The following RGL1 variants were observed in gnomAD, a reference collection of about 807,000 sequenced individuals.
RGL1 encodes the protein ral guanine nucleotide dissociation stimulator-like 1.
A neutral mutation model predicts 95.2 loss-of-function variants in RGL1; 24 were observed. The ratio of observed to expected loss-of-function variants is 0.25; its 90% CI spans 0.18 to 0.35. The LOEUF (loss-of-function observed/expected upper bound fraction) is 0.35, where lower values mean the gene tolerates loss of function less well. RGL1 is among the 10% of genes least tolerant of loss of function. RGL1 has a pLI of 1.00. For synonymous variants in RGL1, 329 were observed against 344.9 expected (o/e 0.95, Z 0.51); for missense variants, 715 against 936.3 (o/e 0.76, Z 3.08).
At position 183,805,307 on chromosome 1, in the gene RGL1, C is replaced by T; in HGVS notation, c.10C>T (p.Leu4Phe). ...GGAGAGAAAACTGAGAATGAAATTG[C>T]TTTGGCAAGCTAAAATGGTAACGAG... MKL[L>F]WQAKMSSIQD... is the part of the protein sequence containing the mutation. The change falls in exon 1 of 18, where the codon CTT becomes TTT. Residue 4 changes from leucine (L) to phenylalanine (F), a missense_variant. Leu to Phe is a conservative substitution (Grantham distance 22). Coordinates refer to ENST00000360851, the MANE Select transcript of RGL1 (RefSeq NM_001297671.3). The T allele has an allele frequency of 1.9e-6, 3 of 1,611,832 alleles. No homozygotes were observed. Among genetic ancestry groups the T allele is most frequent in the Non-Finnish European group, 2.5e-6 (3 of 1,179,528 alleles).
chr1:183,790,660 T>C (rs1382854782), intron 2 of RGL1, among the ~76,000 whole-genome samples: 1 of 152,156 alleles, frequency 6.6e-6, no homozygotes, highest in Non-Finnish European at 1.5e-5. Context: ...TAACAAGTTA[T>C]AAAAGAGAAA....
intron 1 of RGL1, among the ~76,000 whole-genome samples, chr1:183,658,947 G>C (rs1265972969): frequency 6.6e-6 from 1 of 151,752 alleles, no homozygotes; most frequent in African/African-American, 2.4e-5. Context: ...AGGCAAACAG[G>C]GTCTGGAGTG....
At chr1:183,842,696 C>A (rs997964706) in intron 2 of RGL1, among the ~76,000 whole-genome samples, 1 of 152,170 alleles carries the variant, frequency 6.6e-6, no homozygotes, top group Non-Finnish European at 1.5e-5. Context: ...TGAGCTGTTT[C>A]CTGTTAGCGT....
chr1:183,877,227 A>G (rs1180135654), intron 4 of RGL1, among the ~76,000 whole-genome samples: 3 of 152,160 alleles, frequency 2.0e-5, no homozygotes, highest in African/African-American at 7.2e-5. Context: ...CCAGACCTGT[A>G]AATTTGTGAC....
At chr1:183,702,336 A>G (rs972907027) in intron 1 of RGL1, among the ~76,000 whole-genome samples, 4 of 152,200 alleles carry the variant, frequency 2.6e-5, no homozygotes, top group African/African-American at 9.7e-5. Flanking sequence ...GCAGATTACC[A>G]GCAAAGTGGG....
chr1:183,917,138 CT>C (rs987319476), intron 16 of RGL1, among the ~76,000 whole-genome samples: 16 of 152,258 alleles, frequency 1.1e-4, no homozygotes, highest in Admixed American at 1.0e-3. Flanking sequence ...GTGTACTCCC[CT>C]GATGGCAGAT....
intron 9 of RGL1, among the ~76,000 whole-genome samples, chr1:183,893,851 A>C: frequency 6.6e-6 from 1 of 152,264 alleles, no homozygotes; most frequent in East Asian, 1.9e-4. Context: ...TGTATCCCTA[A>C]TGCCCAACCA....
intron 2 of RGL1, among the ~76,000 whole-genome samples, chr1:183,841,569 T>G (rs1160787942): frequency 6.6e-6 from 1 of 152,242 alleles, no homozygotes; most frequent in Non-Finnish European, 1.5e-5. Context: ...AACCTCATGT[T>G]GAGCTTGACA....
intron 2 of RGL1, among the ~76,000 whole-genome samples, chr1:183,788,871 CCTCT>C (rs1660308028): frequency 1.3e-5 from 2 of 152,202 alleles, no homozygotes; most frequent in South Asian, 2.1e-4. Flanking sequence ...ATCTGTGCTC[CCTCT>C]AACTCTCCAA....
At chr1:183,728,129 C>A (rs1656417105) in intron 1 of RGL1, among the ~76,000 whole-genome samples, 1 of 152,148 alleles carries the variant, frequency 6.6e-6, no homozygotes, top group African/African-American at 2.4e-5. Flanking sequence ...TGGTCTCCTG[C>A]AGTCAGACTG....
rs1192832413 is a variant in RGL1, at chr1:183,927,381, G to T, written c.*1089G>T. 6.6e-6 allele frequency: 1 copy of T among 152,368 alleles called. No homozygotes were observed. The highest frequency in any genetic ancestry group is 1.9e-4 in the East Asian group (1 of 5,180). 9.4% of individuals were successfully genotyped at this position (152,368 alleles called of 1,614,324 possible). On this transcript the variant is annotated 3_prime_UTR_variant, in exon 18 of 18. Transcript: ENST00000360851. The stretch of plus-strand genomic sequence containing the variant: ...AGCTTGTGAAAGATTTCTGAACAGT[G>T]ATTGTCCCGTTAATAGCCCCTCAGA...
intron 15 of RGL1, among the ~76,000 whole-genome samples, chr1:183,915,375 T>C (rs1206473953): frequency 6.6e-6 from 1 of 152,260 alleles, no homozygotes; most frequent in African/African-American, 2.4e-5. Flanking sequence ...TTTTAAATGG[T>C]TCAATTTAAT....
intron 2 of RGL1, among the ~76,000 whole-genome samples, chr1:183,780,689 A>G (rs893045815): frequency 6.6e-6 from 1 of 152,218 alleles, no homozygotes; most frequent in Non-Finnish European, 1.5e-5. Context: ...TCACAACAAA[A>G]GGTGTATGAT....
intron 1 of RGL1, among the ~76,000 whole-genome samples, chr1:183,669,609 T>C (rs1250430801): frequency 6.6e-6 from 1 of 152,190 alleles, no homozygotes; most frequent in Non-Finnish European, 1.5e-5. Flanking sequence ...ATGTACTGGG[T>C]AAAAAGAACT....
intron 2 of RGL1, among the ~76,000 whole-genome samples, chr1:183,783,379 A>G (rs977718494): frequency 6.6e-6 from 1 of 152,190 alleles, no homozygotes; most frequent in Non-Finnish European, 1.5e-5. Context: ...TTGAAAGTAT[A>G]GCAAAAACCA....
intron 1 of RGL1, among the ~76,000 whole-genome samples, chr1:183,740,501 G>A (rs564281368): frequency 7.2e-5 from 11 of 152,316 alleles, no homozygotes; most frequent in Non-Finnish European, 1.0e-4. Flanking sequence ...CCTGCCACTC[G>A]TATAGATTTC....
upstream of RGL1, among the ~76,000 whole-genome samples, chr1:183,800,268 T>C (rs1272666718): frequency 6.6e-6 from 1 of 152,178 alleles, no homozygotes; most frequent in East Asian, 1.9e-4. Context: ...CATAAATAAA[T>C]GAATGAATGG....
chr1:183,647,316 G>A (rs569202616), intron 1 of RGL1: 46 of 161,564 alleles, frequency 2.8e-4, no homozygotes, highest in Middle Eastern at 3.0e-3. Context: ...ATTTTTTACC[G>A]AAACAAATTT....
intron 14 of RGL1, among the ~76,000 whole-genome samples, chr1:183,907,986 G>A (rs1244778928): frequency 6.6e-6 from 1 of 151,992 alleles, no homozygotes; most frequent in Non-Finnish European, 1.5e-5. Flanking sequence ...GACAGGGCGA[G>A]ACCCTGTCTC....
Sources: allele counts gnomAD v4.1 joint callset (sites outside exome capture counted in the v4.1 genomes callset), GRCh38; gene constraint gnomAD v4.1.1; transcripts MANE v1.5; gene names NCBI Gene and HGNC (gene_info 2026-07-23, HGNC 2026-07-21).